The following EFNA5 variants were observed in gnomAD, a reference collection of about 807,000 sequenced individuals.
EFNA5 encodes the protein ephrin A5.
EFNA5 carries 5 observed loss-of-function variants against 22.9 expected under a neutral mutation model. The observed-to-expected ratio is 0.22, with a 90% CI of 0.11 to 0.46. The LOEUF (loss-of-function observed/expected upper bound fraction) is 0.46. Ranked by LOEUF, EFNA5 falls within the 20% of genes least tolerant of loss-of-function variation. The probability of loss-of-function intolerance (pLI) is 0.99; values close to 1 mark genes in which losing one functional copy is unlikely to be tolerated. For missense variants in EFNA5, 237 were observed against 293.3 expected, an observed-to-expected ratio of 0.81 and a Z score of 1.40; for synonymous variants, 113 against 112.2, an observed-to-expected ratio of 1.01 and a Z score of -0.04.
chr5:107,458,211 T>C (rs1749744278), intron 1 of EFNA5, among the ~76,000 whole-genome samples: 1 of 152,184 alleles, frequency 6.6e-6, no homozygotes, highest in Non-Finnish European at 1.5e-5. Flanking sequence ...GTTATAATTA[T>C]TTGAACAGTT....
intron 2 of EFNA5, among the ~76,000 whole-genome samples, chr5:107,397,596 A>G (rs1467228477): frequency 1.3e-5 from 2 of 152,148 alleles, no homozygotes; most frequent in South Asian, 2.1e-4. Flanking sequence ...ACACAAATCA[A>G]TGATTTCTTT....
At chr5:107,465,305 G>A (rs1264786992) in intron 1 of EFNA5, among the ~76,000 whole-genome samples, 3 of 152,126 alleles carry the variant, frequency 2.0e-5, no homozygotes, top group East Asian at 3.9e-4. Flanking sequence ...AATGGGTGAC[G>A]GTTACCTAAC....
chr5:107,528,877 AT>A (rs1435729721), intron 1 of EFNA5, among the ~76,000 whole-genome samples: 20 of 152,212 alleles, frequency 1.3e-4, no homozygotes, highest in Non-Finnish European at 2.4e-4. Context: ...ATCATGACCC[AT>A]GAGTGGTTAG....
At position 107,485,471 on chromosome 5, in the gene EFNA5, ATCTC is replaced by A. The variant is rs199517168; in HGVS notation, c.126-57966_126-57963del. On this transcript the variant is annotated intron_variant, in intron 1 of 4. Coordinates refer to ENST00000333274, the MANE Select transcript of EFNA5 (RefSeq NM_001962.3). ...AGCAAGTCCTATTACTACTGAATGA[ATCTC>A]TCTCTCTCTCTCTTTTTTTCTCTGG... 7.9e-3 allele frequency among the ~76,000 whole-genome samples: 1,196 copies of A among 151,892 alleles called. 11 individuals are homozygous for A. The highest frequency in any genetic ancestry group is 0.027 in the African/African-American group (1,131 of 41,450).
chr5:107,636,325 T>C (rs1230231781), intron 1 of EFNA5, among the ~76,000 whole-genome samples: 2 of 152,220 alleles, frequency 1.3e-5, no homozygotes, highest in Non-Finnish European at 2.9e-5. Flanking sequence ...TGCAAAAGTT[T>C]TCCTGCCCAG....
intron 1 of EFNA5, among the ~76,000 whole-genome samples, chr5:107,564,955 T>C (rs1436145329): frequency 6.6e-6 from 1 of 152,132 alleles, no homozygotes; most frequent in Non-Finnish European, 1.5e-5. Context: ...AGTAAGTAAG[T>C]TGTATGTGAC....
chr5:107,482,411 CTGTTT>C (rs1431640186), intron 1 of EFNA5, among the ~76,000 whole-genome samples: 1 of 152,094 alleles, frequency 6.6e-6, no homozygotes, highest in African/African-American at 2.4e-5. Context: ...AGAAAATAGT[CTGTTT>C]TAAGACAAGG....
chr5:107,526,233 AG>A (rs1747693895), intron 1 of EFNA5, among the ~76,000 whole-genome samples: 1 of 152,234 alleles, frequency 6.6e-6, no homozygotes, highest in Non-Finnish European at 1.5e-5. Context: ...TCTGGATTTT[AG>A]AATGACAACA....
intron 1 of EFNA5, among the ~76,000 whole-genome samples, chr5:107,451,313 T>C (rs1157534678): frequency 5.9e-5 from 9 of 152,178 alleles, no homozygotes; most frequent in Non-Finnish European, 1.2e-4. Context: ...ATCAACTACG[T>C]TGGTTTGTAT....
At chr5:107,520,205 G>A (rs913490985) in intron 1 of EFNA5, among the ~76,000 whole-genome samples, 8 of 152,136 alleles carry the variant, frequency 5.3e-5, no homozygotes, top group Non-Finnish European at 7.4e-5. Flanking sequence ...TACTGTACCC[G>A]AGGCTTTCTC....
chr5:107,547,888 A>G (rs902086404), intron 1 of EFNA5, among the ~76,000 whole-genome samples: 1 of 152,192 alleles, frequency 6.6e-6, no homozygotes, highest in Admixed American at 6.5e-5. Context: ...AAATTGAATC[A>G]CTATTTTTTG....
intron 1 of EFNA5, among the ~76,000 whole-genome samples, chr5:107,662,418 T>C (rs540394897): frequency 6.6e-6 from 1 of 152,286 alleles, no homozygotes; most frequent in African/African-American, 2.4e-5. Context: ...CTGCAGTACA[T>C]GAGAATAATG....
chr5:107,387,181 A>G, intron 4 of EFNA5, 54 bp downstream of exon 4: 3 of 1,288,236 alleles, frequency 2.3e-6, no homozygotes, highest in South Asian at 2.7e-5. Context: ...AAAAATACGG[A>G]AGCACCAGAG....
chr5:107,580,770 A>C (rs1476458971), intron 1 of EFNA5, among the ~76,000 whole-genome samples: 3 of 151,854 alleles, frequency 2.0e-5, no homozygotes, highest in Non-Finnish European at 4.4e-5. Context: ...AAAGAAAAAC[A>C]ACCACAAACA....
intron 1 of EFNA5, among the ~76,000 whole-genome samples, chr5:107,545,211 G>C (rs1300621768): frequency 6.6e-6 from 1 of 152,244 alleles, no homozygotes; most frequent in Non-Finnish European, 1.5e-5. Context: ...ACGGTATCAG[G>C]GCTTGGCCGA....
chr5:107,545,988 CAACATCAAAT>C (rs1270162391), intron 1 of EFNA5, among the ~76,000 whole-genome samples: 1 of 151,946 alleles, frequency 6.6e-6, no homozygotes, highest in East Asian at 1.9e-4. Context: ...AATTGAAATC[CAACATCAAAT>C]AACATGCCTG....
intron 1 of EFNA5, among the ~76,000 whole-genome samples, chr5:107,444,950 T>A (rs1394503906): frequency 5.3e-5 from 8 of 152,162 alleles, no homozygotes; most frequent in Admixed American, 5.2e-4. Context: ...CCAGGAATAA[T>A]GATAAAATAA....
intron 2 of EFNA5, among the ~76,000 whole-genome samples, chr5:107,398,599 C>G (rs1324286666): frequency 2.6e-5 from 4 of 152,010 alleles, no homozygotes; most frequent in Non-Finnish European, 5.9e-5. Context: ...GTAATCCCAG[C>G]ATTCGGGAAG....
intron 1 of EFNA5, among the ~76,000 whole-genome samples, chr5:107,510,211 T>A (rs1312706599): frequency 1.3e-5 from 2 of 152,144 alleles, no homozygotes; most frequent in Non-Finnish European, 2.9e-5. Context: ...TATATGCTAA[T>A]TACAACACAT....
Sources: allele counts gnomAD v4.1 joint callset (sites outside exome capture counted in the v4.1 genomes callset), GRCh38; gene constraint gnomAD v4.1.1; transcripts MANE v1.5; gene names NCBI Gene and HGNC (gene_info 2026-07-23, HGNC 2026-07-21).